The following MAP4 variants were observed in gnomAD, a reference collection of about 807,000 sequenced individuals.
The protein encoded by MAP4 is microtubule associated protein 4, also known as microtubule-associated protein 4.
In MAP4, 76 loss-of-function variants were observed where a neutral mutation model predicts 170.2. The ratio of observed to expected loss-of-function variants is 0.45; its 90% CI spans 0.37 to 0.54. The LOEUF is 0.54. Among genes scored for constraint, MAP4 ranks in the 20% least tolerant of loss-of-function variants. The probability of loss-of-function intolerance (pLI) is 0.00; values close to 1 mark genes in which losing one functional copy is unlikely to be tolerated. For missense variants in MAP4, 2,506 were observed against 2,748.0 expected (o/e 0.91, Z 1.97); for synonymous variants, 909 against 994.5 (o/e 0.91, Z 1.62).
chr3:47,906,410 G>A (rs1042090745), intron 9 of MAP4, among the ~76,000 whole-genome samples: 4 of 152,036 alleles, frequency 2.6e-5, no homozygotes, highest in African/African-American at 7.2e-5. Context: ...GGCCAGGCAC[G>A]GTGGCTCAAC....
chr3:47,972,625 G>A (rs2100079441), intron 3 of MAP4, among the ~76,000 whole-genome samples: 1 of 152,270 alleles, frequency 6.6e-6, no homozygotes, highest in African/African-American at 2.4e-5. Context: ...GGTGGCTCAC[G>A]CCTGTAATCC....
At chr3:47,953,914 T>A (rs899352467) in intron 3 of MAP4, among the ~76,000 whole-genome samples, 1 of 151,920 alleles carries the variant, frequency 6.6e-6, no homozygotes, top group East Asian at 1.9e-4. Context: ...CTTGGGAGGC[T>A]GAGGCATGAG....
intron 17 of MAP4, among the ~76,000 whole-genome samples, chr3:47,864,404 C>A (rs1559806632): frequency 1.3e-5 from 2 of 151,940 alleles, no homozygotes; most frequent in Admixed American, 6.6e-5. Context: ...AGCCCAGGTG[C>A]GGTGGCTCAT....
At chr3:48,018,229 AC>A (rs967633582), upstream of MAP4, among the ~76,000 whole-genome samples, 45 of 152,144 alleles carry the variant, frequency 3.0e-4, no homozygotes, top group African/African-American at 1.0e-3. Flanking sequence ...AGTTGTATAT[AC>A]CAGCTCCTGT....
At chr3:48,086,309 C>T (rs1232176580) in intron 1 of MAP4, among the ~76,000 whole-genome samples, 2 of 151,740 alleles carry the variant, frequency 1.3e-5, no homozygotes, top group Non-Finnish European at 2.9e-5. Context: ...GATGACACAG[C>T]GAGACTCCAT....
At chr3:48,018,444 ACT>A (rs1410933098), upstream of MAP4, among the ~76,000 whole-genome samples, 2 of 152,144 alleles carry the variant, frequency 1.3e-5, no homozygotes, top group South Asian at 2.1e-4. Flanking sequence ...AATTACAAAA[ACT>A]CTTCACAACT....
chr3:47,886,350 G>T (rs533204476), intron 10 of MAP4, among the ~76,000 whole-genome samples: 1 of 152,042 alleles, frequency 6.6e-6, no homozygotes, highest in Non-Finnish European at 1.5e-5. Context: ...TCCCAGGCTG[G>T]AGCACAGTGG....
At chr3:48,005,090 G>C (rs1383972997) in intron 1 of MAP4, among the ~76,000 whole-genome samples, 1 of 152,146 alleles carries the variant, frequency 6.6e-6, no homozygotes, top group Admixed American at 6.6e-5. Context: ...GGCCAGGCAC[G>C]GTGGCTCACG....
At chr3:48,044,561 G>A (rs537580830) in intron 1 of MAP4, among the ~76,000 whole-genome samples, 19 of 151,812 alleles carry the variant, frequency 1.3e-4, no homozygotes, top group Admixed American at 6.6e-4. Flanking sequence ...TCAGGAGTTC[G>A]AGACCACCCT....
At chr3:47,861,837 C>A (rs923544334) in intron 17 of MAP4, among the ~76,000 whole-genome samples, 3 of 147,356 alleles carry the variant, frequency 2.0e-5, no homozygotes, top group Non-Finnish European at 4.5e-5. Flanking sequence ...CCAGCCTGGG[C>A]CACAGAGTGA....
At chr3:47,983,878 G>T (rs185324975) in intron 2 of MAP4, among the ~76,000 whole-genome samples, 17 of 152,278 alleles carry the variant, frequency 1.1e-4, no homozygotes, top group East Asian at 3.9e-4. Context: ...AATTTTTCCA[G>T]TGTTGGCTAT....
At chr3:48,034,345 T>C (rs1418833087) in intron 1 of MAP4, among the ~76,000 whole-genome samples, 1 of 152,108 alleles carries the variant, frequency 6.6e-6, no homozygotes, top group Non-Finnish European at 1.5e-5. Flanking sequence ...TTTACTTTTA[T>C]GGCAAGGAAA....
intron 10 of MAP4, among the ~76,000 whole-genome samples, chr3:47,890,317 T>G (rs2153017650): frequency 6.6e-6 from 1 of 152,142 alleles, no homozygotes; most frequent in East Asian, 1.9e-4. Flanking sequence ...GTTGCAAGTC[T>G]CTCCTTCTCT....
At chr3:48,055,391 A>G (rs1354347132) in intron 1 of MAP4, among the ~76,000 whole-genome samples, 1 of 151,952 alleles carries the variant, frequency 6.6e-6, no homozygotes, top group Non-Finnish European at 1.5e-5. Flanking sequence ...GTTTTGGTGG[A>G]GACGGGGTTT....
intron 10 of MAP4, among the ~76,000 whole-genome samples, chr3:47,894,231 G>T (rs1027492380): frequency 2.6e-5 from 4 of 152,210 alleles, no homozygotes; most frequent in African/African-American, 7.2e-5. Flanking sequence ...GGAAAAGGAA[G>T]TGAGGTATAA....
At chr3:48,061,180 A>ACCTCCC (rs771538900) in intron 1 of MAP4, among the ~76,000 whole-genome samples, 7 of 146,304 alleles carry the variant, frequency 4.8e-5, no homozygotes, top group East Asian at 4.1e-4. Context: ...GAAAATGAAC[A>ACCTCCC]CCTCCCCCTC....
At chr3:48,046,632 T>C (rs1408185140) in intron 1 of MAP4, among the ~76,000 whole-genome samples, 1 of 152,226 alleles carries the variant, frequency 6.6e-6, no homozygotes. Flanking sequence ...TCTTTCATTG[T>C]TGAACACTTC....
At chr3:47,973,645 G>A (rs2154253340) in intron 3 of MAP4, 1 of 985,310 alleles carries the variant, frequency 1.0e-6, no homozygotes, top group Non-Finnish European at 1.2e-6. Flanking sequence ...CAATCATGAA[G>A]TGTGAGTGTA....
intron 1 of MAP4, among the ~76,000 whole-genome samples, chr3:48,055,851 C>G (rs913162165): frequency 3.0e-5 from 4 of 135,022 alleles, no homozygotes; most frequent in African/African-American, 8.0e-5. Context: ...CGCCTCTGCC[C>G]CGCCGCCCCA....
Sources: allele counts gnomAD v4.1 joint callset (sites outside exome capture counted in the v4.1 genomes callset), GRCh38; gene constraint gnomAD v4.1.1; transcripts MANE v1.5; gene names NCBI Gene and HGNC (gene_info 2026-07-23, HGNC 2026-07-21).